The following SOX6 variants were observed in gnomAD, a reference collection of about 807,000 sequenced individuals.
The protein encoded by SOX6 is transcription factor SOX-6.
In SOX6, 11 loss-of-function variants were observed where a neutral mutation model predicts 97.8. The observed-to-expected ratio is 0.11, with a 90% CI of 0.07 to 0.19. SOX6 has a LOEUF of 0.19. SOX6 is among the 10% of genes least tolerant of loss of function. The probability of loss-of-function intolerance (pLI) is 1.00; values close to 1 mark genes in which losing one functional copy is unlikely to be tolerated. For synonymous variants in SOX6, 360 were observed against 371.4 expected (o/e 0.97, Z 0.35); for missense variants, 810 against 1,039.5 (o/e 0.78, Z 3.04).
intron 1 of SOX6, among the ~76,000 whole-genome samples, chr11:16,469,089 G>C (rs76832929): frequency 6.7e-6 from 1 of 150,302 alleles, no homozygotes; most frequent in African/African-American, 2.5e-5. Flanking sequence ...AAAAAAAAAA[G>C]TAATAAAGTG....
intron 3 of SOX6, among the ~76,000 whole-genome samples, chr11:16,652,241 C>T (rs1051738081): frequency 2.6e-5 from 4 of 152,050 alleles, no homozygotes; most frequent in African/African-American, 9.7e-5. Context: ...CATTATTCTT[C>T]ACAGAACTAG....
chr11:16,415,090 T>G (rs2133059706), intron 1 of SOX6, among the ~76,000 whole-genome samples: 1 of 152,302 alleles, frequency 6.6e-6, no homozygotes, highest in African/African-American at 2.4e-5. Flanking sequence ...TCAATATTTT[T>G]ATTTTGCAAA....
chr11:16,697,964 A>G (rs571991130), intron 3 of SOX6, among the ~76,000 whole-genome samples: 12 of 152,250 alleles, frequency 7.9e-5, no homozygotes, highest in Non-Finnish European at 1.6e-4. Flanking sequence ...TATAGAGCAA[A>G]GGCAGAGTAG....
chr11:16,439,748 T>C (rs1311393810), intron 1 of SOX6, among the ~76,000 whole-genome samples: 1 of 152,186 alleles, frequency 6.6e-6, no homozygotes, highest in Non-Finnish European at 1.5e-5. Context: ...ACAACTGAAA[T>C]TTACAGCAGG....
chr11:16,080,338 A>G (rs1848447388), intron 9 of SOX6, among the ~76,000 whole-genome samples: 1 of 151,926 alleles, frequency 6.6e-6, no homozygotes, highest in African/African-American at 2.4e-5. Flanking sequence ...AAAGAATAGT[A>G]TAGTAAACCA....
chr11:16,087,832 T>C (rs1206063387), intron 9 of SOX6, among the ~76,000 whole-genome samples: 1 of 152,206 alleles, frequency 6.6e-6, no homozygotes, highest in Non-Finnish European at 1.5e-5. Flanking sequence ...TTTTATTCAT[T>C]GATACGTCCC....
chr11:16,721,089 A>G (rs535910480), intron 2 of SOX6, among the ~76,000 whole-genome samples: 7 of 152,292 alleles, frequency 4.6e-5, no homozygotes, highest in African/African-American at 1.7e-4. Flanking sequence ...CTGAGGCCCA[A>G]CTTAGGACAA....
intron 9 of SOX6, among the ~76,000 whole-genome samples, chr11:16,067,817 A>G (rs1029218747): frequency 6.6e-6 from 1 of 152,148 alleles, no homozygotes; most frequent in African/African-American, 2.4e-5. Context: ...TGTGCCCACA[A>G]AAATTAAAAT....
chr11:16,251,661 A>T (rs1853514711), intron 3 of SOX6, among the ~76,000 whole-genome samples: 1 of 152,096 alleles, frequency 6.6e-6, no homozygotes, highest in African/African-American at 2.4e-5. Context: ...CCAAACATTC[A>T]TGGAGGAAAT....
chr11:16,413,512 C>CTTTT (rs752774148), intron 1 of SOX6, among the ~76,000 whole-genome samples: 2 of 76,226 alleles, frequency 2.6e-5, no homozygotes, highest in African/African-American at 5.4e-5. Context: ...AAGACTTCTA[C>CTTTT]TTTTTTTTTT....
chr11:16,018,609 A>G (rs967516795), intron 12 of SOX6, among the ~76,000 whole-genome samples: 4 of 151,954 alleles, frequency 2.6e-5, no homozygotes, highest in East Asian at 1.9e-4. Flanking sequence ...AAAATTTTAT[A>G]TACTATGTTT....
chr11:16,591,362 G>GATAAATAA (rs200840789), intron 4 of SOX6, among the ~76,000 whole-genome samples: 2 of 149,782 alleles, frequency 1.3e-5, no homozygotes, highest in African/African-American at 2.5e-5. Context: ...CAGATAGATA[G>GATAAATAA]ATAGATAGAT....
chr11:16,360,724 C>T (rs1565112310), upstream of SOX6, among the ~76,000 whole-genome samples: 2 of 152,072 alleles, frequency 1.3e-5, no homozygotes, highest in African/African-American at 4.8e-5. Flanking sequence ...AAGTTTTTGG[C>T]CAGGCACAGT....
intron 15 of SOX6, 101 bp from the exon 16 acceptor site, chr11:15,973,213 C>A: frequency 8.6e-7 from 1 of 1,163,062 alleles, no homozygotes; most frequent in Middle Eastern, 2.8e-4. Flanking sequence ...AAAGGGAGCC[C>A]TAAATAAATG....
intron 7 of SOX6, among the ~76,000 whole-genome samples, chr11:16,101,750 C>A (rs946113339): frequency 1.3e-5 from 2 of 151,648 alleles, no homozygotes; most frequent in African/African-American, 4.8e-5. Context: ...ACATGATACA[C>A]CACATAAACA....
chr11:16,241,575 T>A (rs993971615), intron 3 of SOX6, among the ~76,000 whole-genome samples: 1 of 152,078 alleles, frequency 6.6e-6, no homozygotes, highest in Non-Finnish European at 1.5e-5. Flanking sequence ...TATTCTTTAT[T>A]TTGGTTTCTT....
intron 4 of SOX6, among the ~76,000 whole-genome samples, chr11:16,556,636 C>T (rs955047887): frequency 6.6e-6 from 1 of 151,608 alleles, no homozygotes; most frequent in African/African-American, 2.4e-5. Context: ...GATGAAATAC[C>T]CAGCATCAAG....
chr11:16,263,946 T>C (rs2134217998), intron 3 of SOX6, among the ~76,000 whole-genome samples: 1 of 152,034 alleles, frequency 6.6e-6, no homozygotes, highest in East Asian at 1.9e-4. Flanking sequence ...GTCAAAATAC[T>C]GGTCCAATGT....
In SOX6 at chr11:16,670,777, G is replaced by A. The variant is rs147581286; in HGVS notation, n.429+44053C>T. ...CAACCACTACTGAGGTCCCTTCCTC[G>A]GCTGCCTCCAAGTTGGGGAAGAAAC... is the stretch of plus-strand genomic sequence containing the variant. On this transcript the variant is annotated intron_variant and non_coding_transcript_variant, in intron 3 of 5. Coordinates refer to the SOX6 transcript ENST00000524520. 2.3e-3 allele frequency among the ~76,000 whole-genome samples: 349 copies of A among 151,746 alleles called. 2 individuals are homozygous for A. Among genetic ancestry groups the A allele is most frequent in the African/African-American group, 8.3e-3 (343 of 41,440 alleles).
Sources: gnomAD v4.1 joint callset for allele counts (sites outside exome capture counted in the v4.1 genomes callset) on GRCh38, gnomAD v4.1.1 for gene constraint, MANE v1.5 for transcripts, NCBI Gene and HGNC (gene_info 2026-07-23, HGNC 2026-07-21) for gene names.